The following SORCS1 variants were observed in gnomAD, a reference collection of about 807,000 sequenced individuals.
SORCS1 encodes VPS10 domain-containing receptor SorCS1.
A neutral mutation model predicts 146.1 loss-of-function variants in SORCS1; 60 were observed. The ratio of observed to expected loss-of-function variants is 0.41; its 90% CI spans 0.33 to 0.51. SORCS1 has a LOEUF of 0.51. SORCS1 is among the 20% of genes least tolerant of loss of function. SORCS1 has a pLI of 0.21. For missense variants in SORCS1, 1,352 were observed against 1,487.6 expected (o/e 0.91, Z 1.50); for synonymous variants, 637 against 584.0 (o/e 1.09, Z -1.31).
At chr10:107,144,821 T>C (rs1015667155) in intron 1 of SORCS1, among the ~76,000 whole-genome samples, 2 of 152,204 alleles carry the variant, frequency 1.3e-5, no homozygotes, top group Non-Finnish European at 1.5e-5. Flanking sequence ...AGCATCACGA[T>C]AGAGACAGAG....
In SORCS1 at chr10:106,836,264, G is replaced by A. The variant is rs181053209; in HGVS notation, c.627-6591C>T. Among the ~76,000 whole-genome samples, 1,067 of 152,104 alleles carry A rather than the reference G, an allele frequency of 7.0e-3. 16 individuals are homozygous for A. The highest frequency in any genetic ancestry group is 0.025 in the African/African-American group (1,030 of 41,508). ...CCGAGGCGGGCAGATCACGAGGTCA[G>A]GAGATCGAGATCATCCTGGCTAACA... On this transcript the variant is annotated intron_variant, in intron 2 of 25. Coordinates refer to ENST00000263054, the MANE Select transcript of SORCS1 (RefSeq NM_052918.5).
At chr10:106,973,142 A>T (rs539477410) in intron 1 of SORCS1, among the ~76,000 whole-genome samples, 21 of 152,304 alleles carry the variant, frequency 1.4e-4, no homozygotes, top group African/African-American at 4.8e-4. Context: ...CTTCTCAAGA[A>T]TTTACAACAA....
chr10:107,014,687 C>T (rs1043439960), intron 1 of SORCS1, among the ~76,000 whole-genome samples: 3 of 152,274 alleles, frequency 2.0e-5, no homozygotes, highest in South Asian at 2.1e-4. Context: ...GAGGTGGAAC[C>T]CAGCAGTCTG....
At chr10:106,985,927 T>A (rs1956452181) in intron 1 of SORCS1, among the ~76,000 whole-genome samples, 1 of 151,970 alleles carries the variant, frequency 6.6e-6, no homozygotes, top group Admixed American at 6.6e-5. Context: ...AAGGGTTCAG[T>A]CATTAAGTGT....
rs116952626 is a variant in SORCS1 at position 106,595,223 on chromosome 10, A to T, written c.3265+2128T>A. 2.9e-3 allele frequency among the ~76,000 whole-genome samples: 446 copies of T among 152,318 alleles called. 7 individuals are homozygous for T. In the East Asian group the frequency reaches 0.043, roughly 15 times the overall value. Reference sequence around the variant, plus strand: ...ATTCAGAAAGTGGCTTTTACCAGCAATAGCAGTTTATGAGGGCAGAGACTC... The same window carrying T: ...ATTCAGAAAGTGGCTTTTACCAGCATTAGCAGTTTATGAGGGCAGAGACTC... On this transcript the variant is annotated intron_variant, in intron 24 of 25. Coordinates refer to ENST00000263054, the MANE Select transcript of SORCS1 (RefSeq NM_052918.5).
At chr10:107,109,067 G>C (rs1225570285) in intron 1 of SORCS1, among the ~76,000 whole-genome samples, 1 of 152,176 alleles carries the variant, frequency 6.6e-6, no homozygotes, top group East Asian at 1.9e-4. Context: ...GGCTTTGCAG[G>C]GTTCAGCCTG....
At chr10:107,111,888 G>T (rs9971204) in intron 1 of SORCS1, among the ~76,000 whole-genome samples, 1 of 152,030 alleles carries the variant, frequency 6.6e-6, no homozygotes, top group African/African-American at 2.4e-5. Flanking sequence ...CATCTCAACA[G>T]AAGCCTTTCA....
intron 1 of SORCS1, among the ~76,000 whole-genome samples, chr10:106,958,159 C>A (rs1255186041): frequency 6.6e-6 from 1 of 152,210 alleles, no homozygotes; most frequent in Non-Finnish European, 1.5e-5. Context: ...GTGTTCCTAA[C>A]CACTGATTTC....
chr10:106,850,454 T>G (rs1589549172), intron 2 of SORCS1, among the ~76,000 whole-genome samples: 1 of 151,982 alleles, frequency 6.6e-6, no homozygotes. Flanking sequence ...TCGCACACGG[T>G]GCGCGCACTC....
intron 2 of SORCS1, among the ~76,000 whole-genome samples, chr10:106,835,259 A>G (rs1047868063): frequency 2.0e-5 from 3 of 152,242 alleles, no homozygotes; most frequent in Non-Finnish European, 4.4e-5. Flanking sequence ...CCTTCACTAT[A>G]ATCTTATGCC....
At chr10:106,885,127 C>G (rs999294101) in intron 2 of SORCS1, among the ~76,000 whole-genome samples, 21 of 152,090 alleles carry the variant, frequency 1.4e-4, no homozygotes, top group Non-Finnish European at 2.9e-4. Flanking sequence ...CTTTACAAAA[C>G]AAGAAGGATA....
intron 18 of SORCS1, among the ~76,000 whole-genome samples, chr10:106,638,180 A>G (rs573781722): frequency 1.3e-5 from 2 of 152,282 alleles, no homozygotes; most frequent in Non-Finnish European, 2.9e-5. Flanking sequence ...TGGCTAGAAA[A>G]CTAGGGGGCT....
intron 5 of SORCS1, among the ~76,000 whole-genome samples, chr10:106,733,726 T>C (rs2136040732): frequency 6.6e-6 from 1 of 152,312 alleles, no homozygotes; most frequent in East Asian, 1.9e-4. Flanking sequence ...CTCTTCATGG[T>C]CTTACTTGCA....
chr10:107,170,838 C>T, the SORCS1 span, among the ~76,000 whole-genome samples: 1 of 152,180 alleles, frequency 6.6e-6, no homozygotes, highest in Admixed American at 6.5e-5. Flanking sequence ...GAGAGGCGGT[C>T]AAAGGCACAA....
At chr10:106,999,849 T>C (rs1415628035) in intron 1 of SORCS1, among the ~76,000 whole-genome samples, 1 of 152,190 alleles carries the variant, frequency 6.6e-6, no homozygotes, top group Non-Finnish European at 1.5e-5. Context: ...ATTATCTTAA[T>C]AACTGATACC....
In SORCS1 at chr10:106,629,210, T is replaced by C. The variant is rs1204057833; in HGVS notation, c.2654A>G (p.His885Arg). ...CAACAGTAATAACATACAAGTTACA[T>C]GTAAGTACAGGACGGCGCTGTCAGA... ...LGSDSAVLYLHVTCPLEHVHL... is the reference protein window; with the variant it reads ...LGSDSAVLYLRVTCPLEHVHL... Residue 885 changes from histidine (H) to arginine (R), a missense_variant, in exon 19 of 26, where the codon CAT becomes CGT. Transcript: ENST00000263054. The C allele has an allele frequency of 1.9e-6, 3 of 1,613,178 alleles. No individual in the cohort carries two copies. The highest frequency in any genetic ancestry group is 2.5e-6 in the Non-Finnish European group (3 of 1,179,456).
chr10:107,155,591 T>C (rs1192900063), intron 1 of SORCS1, among the ~76,000 whole-genome samples: 1 of 152,146 alleles, frequency 6.6e-6, no homozygotes, highest in African/African-American at 2.4e-5. Flanking sequence ...GTGCCCAAAA[T>C]AGCCTTTTTC....
At chr10:106,623,515 A>T (rs1348617574) in intron 19 of SORCS1, among the ~76,000 whole-genome samples, 1 of 151,690 alleles carries the variant, frequency 6.6e-6, no homozygotes, top group Non-Finnish European at 1.5e-5. Flanking sequence ...AAGTGTTGGG[A>T]TTACAGGCGT....
At chr10:106,716,756 T>C (rs1367903319) in intron 6 of SORCS1, among the ~76,000 whole-genome samples, 1 of 152,202 alleles carries the variant, frequency 6.6e-6, no homozygotes, top group Non-Finnish European at 1.5e-5. Context: ...GCAGCAGCAC[T>C]AACCTCCAAA....
Sources: gnomAD v4.1 joint callset for allele counts (sites outside exome capture counted in the v4.1 genomes callset) on GRCh38, gnomAD v4.1.1 for gene constraint, MANE v1.5 for transcripts, NCBI Gene and HGNC (gene_info 2026-07-23, HGNC 2026-07-21) for gene names.